Variants in RFC1 observed in about 807,000 individuals in gnomAD.
RFC1 encodes the protein A1 140 kDa subunit.
A neutral mutation model predicts 137.4 loss-of-function variants in RFC1; 37 were observed. That is an observed-to-expected ratio of 0.27 (90% CI 0.21 to 0.35). RFC1 has a LOEUF of 0.35. Among genes scored for constraint, RFC1 ranks in the 10% least tolerant of loss-of-function variants. The pLI, the probability that RFC1 is intolerant of heterozygous loss-of-function variation, is 1.00. For missense variants in RFC1, 1,205 were observed against 1,358.5 expected (o/e 0.89, Z 1.78); for synonymous variants, 429 against 455.7 (o/e 0.94, Z 0.75).
intron 21 of RFC1, among the ~76,000 whole-genome samples, chr4:39,296,298 T>A (rs1463521517): frequency 2.1e-5 from 3 of 144,804 alleles, no homozygotes; most frequent in Non-Finnish European, 4.5e-5. Flanking sequence ...CATGTGCACA[T>A]TGTGCAGGTT....
At chr4:39,313,016 A>C in intron 10 of RFC1, 85 bp from the exon 11 acceptor site, 1 of 1,110,988 alleles carries the variant, frequency 9.0e-7, no homozygotes, top group Non-Finnish European at 1.3e-6. Flanking sequence ...CAGGAAGTTG[A>C]TTTTTCTCAT....
chr4:39,328,636 G>C (rs1739907724), intron 4 of RFC1, among the ~76,000 whole-genome samples: 1 of 152,174 alleles, frequency 6.6e-6, no homozygotes, highest in Non-Finnish European at 1.5e-5. Context: ...ACAATGCGGA[G>C]GCGTGCCAGA....
chr4:39,351,369 C>CTTTGCT lies in RFC1; in HGVS notation c.105_110dup (p.Ala36_Lys37dup). ...TAACCTTGATTTCCTTTATTCCTTT[C>CTTTGCT]TTTGCTTTTAAAGTTTCTTCATCAG... On this transcript the variant is annotated inframe_insertion, in exon 2 of 25. Coordinates refer to ENST00000349703, the MANE Select transcript of RFC1 (RefSeq NM_002913.5). 6.7e-7 allele frequency: 1 copy of CTTTGCT among 1,499,396 alleles called. No homozygotes were observed. Among genetic ancestry groups the CTTTGCT allele is most frequent in the South Asian group, 1.3e-5 (1 of 77,064 alleles). The allele number at this position is 1,499,396 out of a possible 1,614,324, so 92.9% of individuals were successfully genotyped here. A position where few individuals can be genotyped will look rare whatever the true frequency, so the allele number is the denominator to read the frequency against.
intron 2 of RFC1, among the ~76,000 whole-genome samples, chr4:39,349,752 C>A (rs1336326597): frequency 1.3e-5 from 2 of 152,168 alleles, no homozygotes; most frequent in African/African-American, 4.8e-5. Context: ...CACCTGTAAT[C>A]CCAGCACTTC....
chr4:39,309,403 T>G (rs1241414692), intron 12 of RFC1, among the ~76,000 whole-genome samples: 3 of 152,230 alleles, frequency 2.0e-5, no homozygotes, highest in Non-Finnish European at 4.4e-5. Context: ...AACCACATTA[T>G]AGCTAAAAGA....
chr4:39,327,497 A>G (rs1051894486), intron 5 of RFC1, 27 bp downstream of exon 5: 1 of 1,461,980 alleles, frequency 6.8e-7, no homozygotes, highest in Non-Finnish European at 9.4e-7. Flanking sequence ...AATCCTGAGC[A>G]TACTTGCTTA....
Position 39,300,213 on chromosome 4 carries a change from G to A in RFC1, c.2690+47C>T, listed in dbSNP as rs141441857. On this transcript the variant is annotated intron_variant, in intron 20 of 24. Transcript: ENST00000349703. ...CCTTCTTCACGGGTATTTAGCCTTC[G>A]CAGTGCTGGATACTAAGCACACCTC... 2.4e-4 allele frequency: 380 copies of A among 1,611,346 alleles called. No individual in the cohort carries two copies. In the East Asian group the frequency reaches 3.8e-3, roughly 16 times the overall value.
intron 12 of RFC1, among the ~76,000 whole-genome samples, chr4:39,310,035 G>A (rs1560598422): frequency 6.6e-6 from 1 of 152,060 alleles, no homozygotes; most frequent in Non-Finnish European, 1.5e-5. Context: ...AAATAATCAA[G>A]ATTATCCTCA....
chr4:39,323,752 T>C (rs551270563), intron 6 of RFC1, among the ~76,000 whole-genome samples: 2 of 152,298 alleles, frequency 1.3e-5, no homozygotes, highest in Admixed American at 6.5e-5. Context: ...ATTTATTATC[T>C]AAAAAGACCT....
At chr4:39,297,973 TA>T in intron 21 of RFC1, among the ~76,000 whole-genome samples, 1 of 152,186 alleles carries the variant, frequency 6.6e-6, no homozygotes, top group Non-Finnish European at 1.5e-5. Flanking sequence ...ATTATGCCTT[TA>T]AGCTACAATT....
intron 2 of RFC1, 69 bp from the exon 3 acceptor site, chr4:39,345,545 G>C: frequency 1.1e-5 from 13 of 1,230,176 alleles, no homozygotes; most frequent in Non-Finnish European, 1.5e-5. Context: ...TTTTGAGACG[G>C]AGTCTCACTC....
At chr4:39,311,955 A>G (rs1272598147) in intron 11 of RFC1, among the ~76,000 whole-genome samples, 2 of 152,152 alleles carry the variant, frequency 1.3e-5, no homozygotes, top group African/African-American at 2.4e-5. Flanking sequence ...TCCTTCTTCA[A>G]GTGATGAATG....
chr4:39,316,914 C>T lies in RFC1; in HGVS notation c.1203+1G>A. ...ATGGCATGCCCTCTCAGTACTCTTA[C>T]CTTTGGTATTTCTTTGGAGCCCAGA... On this transcript the variant is annotated splice_donor_variant, in intron 10 of 24. Transcript: ENST00000349703. LOFTEE classifies it high-confidence loss of function. 1.9e-6 allele frequency: 3 copies of T among 1,605,494 alleles called. No homozygotes were observed. The highest frequency in any genetic ancestry group is 2.6e-6 in the Non-Finnish European group (3 of 1,172,268).
At chr4:39,352,962 A>G (rs1741279595) in intron 1 of RFC1, among the ~76,000 whole-genome samples, 1 of 152,166 alleles carries the variant, frequency 6.6e-6, no homozygotes, top group Non-Finnish European at 1.5e-5. Flanking sequence ...AAAGTTAGCA[A>G]TTATTTCCTA....
At chr4:39,290,062 G>T (rs757692199) in intron 23 of RFC1, 23 bp from the exon 24 acceptor site, 9 of 1,554,266 alleles carry the variant, frequency 5.8e-6, no homozygotes, top group Non-Finnish European at 2.6e-6. Flanking sequence ...AGTAGATGGA[G>T]TTTTTAAAAA....
chr4:39,323,278 G>A lies in RFC1; in HGVS notation c.720+62C>T, dbSNP rs1040720279. On this transcript the variant is annotated intron_variant, in intron 7 of 24. Coordinates refer to ENST00000349703, the MANE Select transcript of RFC1 (RefSeq NM_002913.5). ...ATGTTTTGGCTAGAGCCTAGAACACGCAAGTATGAACACTGATCTGTACTG... is the reference window on the plus strand; with the variant it reads ...ATGTTTTGGCTAGAGCCTAGAACACACAAGTATGAACACTGATCTGTACTG... 24 of 1,245,702 alleles carry A rather than the reference G, an allele frequency of 1.9e-5. No individual in the cohort carries two copies. In the African/African-American group the frequency reaches 2.4e-4, roughly 12 times the overall value. The allele number at this position is 1,245,702 out of a possible 1,614,324, so 77.2% of individuals were successfully genotyped here.
chr4:39,348,296 G>A (rs986018915), intron 2 of RFC1, among the ~76,000 whole-genome samples: 4 of 150,210 alleles, frequency 2.7e-5, no homozygotes, highest in Non-Finnish European at 4.4e-5. Flanking sequence ...GGTGGCACGC[G>A]ACTATAGTCC....
At chr4:39,357,304 G>A (rs925143802) in intron 1 of RFC1, among the ~76,000 whole-genome samples, 1 of 152,180 alleles carries the variant, frequency 6.6e-6, no homozygotes, top group African/African-American at 2.4e-5. Flanking sequence ...TGGCAAGAGG[G>A]AAGAATAAGA....
chr4:39,354,657 C>A (rs1196395418), intron 1 of RFC1, among the ~76,000 whole-genome samples: 1 of 149,718 alleles, frequency 6.7e-6, no homozygotes, highest in Non-Finnish European at 1.5e-5. Flanking sequence ...GTGGTGCACA[C>A]CTACAGTCCC....
Sources: allele counts gnomAD v4.1 joint callset (sites outside exome capture counted in the v4.1 genomes callset), GRCh38; gene constraint gnomAD v4.1.1; transcripts MANE v1.5; gene names NCBI Gene and HGNC (gene_info 2026-07-23, HGNC 2026-07-21).